IGFN1: variants seen among roughly 807,000 people sequenced by gnomAD.
The protein encoded by IGFN1 is immunoglobulin like and fibronectin type III domain containing 1, also known as immunoglobulin-like and fibronectin type III domain-containing protein 1.
IGFN1 carries 253 observed loss-of-function variants against 289.5 expected under a neutral mutation model. The ratio of observed to expected loss-of-function variants is 0.87; its 90% CI spans 0.79 to 0.97. IGFN1 has a LOEUF of 0.97. IGFN1 is among the 50% of genes least tolerant of loss of function. IGFN1 has a pLI of 0.00. For missense variants in IGFN1, 4,470 were observed against 4,686.1 expected, an observed-to-expected ratio of 0.95 and a Z score of 1.35; for synonymous variants, 1,706 against 1,788.5, an observed-to-expected ratio of 0.95 and a Z score of 1.16.
chr1:201,225,810 C>T lies in IGFN1; in HGVS notation c.10487-14C>T, dbSNP rs771320823. On this transcript the variant is annotated splice_polypyrimidine_tract_variant and intron_variant, in intron 21 of 23. Transcript: ENST00000335211. ...TCCCCTCCACGTGACCTCCCTCTGC[C>T]GTCTCTCCTGAAGCATGCCCGCAGG... 15 of 1,599,724 alleles carry T rather than the reference C, an allele frequency of 9.4e-6. No homozygotes were observed. Among genetic ancestry groups the T allele is most frequent in the African/African-American group, 2.7e-5 (2 of 74,422 alleles).
chr1:201,211,116 G>A lies in IGFN1; in HGVS notation c.6223G>A (p.Gly2075Arg). The change falls in exon 12 of 24, where the codon GGG (glycine) becomes AGG (arginine). Residue 2075 changes from glycine to arginine, a missense_variant. Transcript: ENST00000335211. The part of the protein sequence containing the change: ...VNEAGYRKDL[G>R]APKGMGSGSK... ...TGAGGCAGGTTATAGGAAGGATTTA[G>A]GGGCTCCTAAGGGAATGGGTTCAGG... is the stretch of plus-strand genomic sequence containing the variant. 6.5e-7 allele frequency: 1 copy of A among 1,527,144 alleles called. No individual in the cohort carries two copies. The highest frequency in any genetic ancestry group is 8.8e-7 in the Non-Finnish European group (1 of 1,140,526). The allele number at this position is 1,527,144 out of a possible 1,614,324, so 94.6% of individuals were successfully genotyped here. A position where few individuals can be genotyped will look rare whatever the true frequency, so the allele number is the denominator to read the frequency against.
rs1160485487 is a variant in IGFN1 at position 201,200,227 on chromosome 1, T to C, written c.459-10T>C. On this transcript the variant is annotated splice_polypyrimidine_tract_variant and intron_variant, in intron 7 of 23. Coordinates refer to ENST00000335211, the MANE Select transcript of IGFN1 (RefSeq NM_001164586.2). ...CCTCTGGCCTCTGACCTGCTAGCCT[T>C]GCTCCCCAGGGCCCCACCAGCCCCC... The C allele has an allele frequency of 2.6e-6, 4 of 1,550,050 alleles. No individual in the cohort carries two copies. Among genetic ancestry groups the C allele is most frequent in the Non-Finnish European group, 3.5e-6 (4 of 1,145,934 alleles).
intron 18 of IGFN1, 87 bp downstream of exon 18, chr1:201,218,745 T>C (rs1441731980): frequency 6.5e-6 from 9 of 1,394,804 alleles, no homozygotes; most frequent in Non-Finnish European, 8.8e-6. Context: ...AGGTCAAAGG[T>C]CACAGGTCGG....
rs866805849 is a variant in IGFN1, at chr1:201,206,133, A to C, written c.1240A>C (p.Arg414=). The C allele has an allele frequency of 3.9e-6, 6 of 1,550,932 alleles. No homozygotes were observed. The highest frequency in any genetic ancestry group is 1.7e-4 in the Middle Eastern group (1 of 5,988). The stretch of plus-strand genomic sequence containing the variant: ...CACAAGTGCTGACCACAAACTGCAG[A>C]GGCAAGGAGCCCAGGCATCAGGAGC... ...QSTSADHKLQ[R]QGAQASGAEE... The change falls in exon 12 of 24, where the codon AGG becomes CGG. Residue 414 remains arginine, a synonymous_variant. Transcript: ENST00000335211.
intron 18 of IGFN1, among the ~76,000 whole-genome samples, chr1:201,220,596 A>G (rs1252064172): frequency 6.6e-6 from 1 of 152,258 alleles, no homozygotes; most frequent in Non-Finnish European, 1.5e-5. Flanking sequence ...AGCAAGGCCC[A>G]TGGCCCAGAA....
Position 201,207,178 on chromosome 1 carries a change from G to T in IGFN1, c.2285G>T (p.Gly762Val). The change falls in exon 12 of 24, where the codon GGG (glycine) becomes GTG (valine). Residue 762 changes from glycine to valine, a missense_variant. Gly to Val is a moderately radical substitution (Grantham distance 109, BLOSUM62 -3). Around this residue, in one of 8 missense-constraint regions of IGFN1, gnomAD observed 2,011 missense variants for 1,953.4 expected, o/e 1.03. Coordinates refer to ENST00000335211, the MANE Select transcript of IGFN1 (RefSeq NM_001164586.2). ...CAGGAGGCAGATGGTATATGCCGGG[G>T]GGAGTCTGTAGTTACAGGAAGTGCC... The part of the protein sequence containing the change: ...SLQEADGICR[G>V]ESVVTGSAYK... The T allele has an allele frequency of 6.5e-7, 1 of 1,536,974 alleles. No homozygotes were observed. Among genetic ancestry groups the T allele is most frequent in the Non-Finnish European group, 8.7e-7 (1 of 1,146,864 alleles).
intron 7 of IGFN1, 76 bp downstream of exon 7, chr1:201,199,730 T>C: frequency 2.2e-6 from 3 of 1,344,748 alleles, no homozygotes; most frequent in Non-Finnish European, 3.1e-6. Context: ...ATAAGTAAGC[T>C]GGGCTTGAGC....
In IGFN1 at chr1:201,209,373, G is replaced by A; in HGVS notation, c.4480G>A (p.Gly1494Ser). Reference sequence around the variant, plus strand: ...TGGGGAAATGGGGTTAATTGAGGCAGGCTATAGGAAAGATTTGGGGGTTTC... The same window carrying A: ...TGGGGAAATGGGGTTAATTGAGGCAAGCTATAGGAAAGATTTGGGGGTTTC... ...GSGEMGLIEAGYRKDLGVSEG... is the reference protein window; with the variant it reads ...GSGEMGLIEASYRKDLGVSEG... Residue 1494 changes from glycine to serine, a missense_variant, in exon 12 of 24, where the codon GGC becomes AGC. Gly to Ser is a moderately conservative substitution (Grantham distance 56). Around this residue, in one of 8 missense-constraint regions of IGFN1, gnomAD observed 2,011 missense variants for 1,953.4 expected, o/e 1.03. Coordinates refer to ENST00000335211, the MANE Select transcript of IGFN1 (RefSeq NM_001164586.2). 6.6e-7 allele frequency: 1 copy of A among 1,508,988 alleles called. No individual in the cohort carries two copies. The highest frequency in any genetic ancestry group is 8.8e-7 in the Non-Finnish European group (1 of 1,134,922). 93.5% of individuals were successfully genotyped at this position (1,508,988 alleles called of 1,614,324 possible). A position where few individuals can be genotyped will look rare whatever the true frequency, so the allele number is the denominator to read the frequency against.
At chr1:201,202,106 G>C (rs1667191105) in intron 9 of IGFN1, among the ~76,000 whole-genome samples, 1 of 152,170 alleles carries the variant, frequency 6.6e-6, no homozygotes, top group Non-Finnish European at 1.5e-5. Flanking sequence ...GAGCACGGGG[G>C]TGAAAAGAGG....
chr1:201,226,207 G>T (rs542637861), intron 22 of IGFN1, 84 bp downstream of exon 22: 6 of 1,389,268 alleles, frequency 4.3e-6, no homozygotes, highest in Middle Eastern at 2.3e-4. Flanking sequence ...CATGGCAAGC[G>T]CGCAGGATAG....
chr1:201,226,108 A>G lies in IGFN1; in HGVS notation c.10771A>G (p.Ile3591Val). 6.3e-7 allele frequency: 1 copy of G among 1,596,988 alleles called. No individual in the cohort carries two copies. The highest frequency in any genetic ancestry group is 1.1e-5 in the South Asian group (1 of 89,318). ...KPSDTSQPWC[I>V]PRQRDRFTVK... ...CTCGGACACCAGCCAGCCCTGGTGC[A>G]TCCCCCGGCAGCGCGGTAAGCAGCC... The change falls in exon 22 of 24, where the codon ATC becomes GTC. Residue 3591 changes from isoleucine to valine, a missense_variant. Around this residue, in one of 8 missense-constraint regions of IGFN1, gnomAD observed 2,218 missense variants for 2,114.1 expected, o/e 1.05. Transcript: ENST00000335211.
chr1:201,211,491 T>C lies in IGFN1; in HGVS notation c.6598T>C (p.Leu2200=). ...GAGTAAGGCAGGTTTCAGGGATGGT[T>C]TAGGGGGTTCTGAAGAAATGGGGTC... ...SGSKAGFRDG[L]GGSEEMGSVN... is the part of the protein sequence containing the mutation. Residue 2200 remains leucine, a synonymous_variant, in exon 12 of 24, where the codon TTA becomes CTA. Coordinates refer to ENST00000335211, the MANE Select transcript of IGFN1 (RefSeq NM_001164586.2). 2.7e-6 allele frequency: 4 copies of C among 1,499,662 alleles called. No homozygotes were observed. The highest frequency in any genetic ancestry group is 3.6e-6 in the Non-Finnish European group (4 of 1,126,084). 92.9% of individuals were successfully genotyped at this position (1,499,662 alleles called of 1,614,324 possible). A position where few individuals can be genotyped will look rare whatever the true frequency, so the allele number is the denominator to read the frequency against.
Position 201,207,465 on chromosome 1 carries a change from G to A in IGFN1, c.2572G>A (p.Val858Met). ...AACTGGGGCCCACCATGGGCCTGGA[G>A]TGCTGGGGCCCAGTGGAGGACAAGA... is the stretch of plus-strand genomic sequence containing the variant. The part of the protein sequence containing the change: ...RKTGAHHGPG[V>M]LGPSGGQEGM... Residue 858 changes from valine (V) to methionine (M), a missense_variant, in exon 12 of 24, where the codon GTG becomes ATG. Coordinates refer to ENST00000335211, the MANE Select transcript of IGFN1 (RefSeq NM_001164586.2). The A allele has an allele frequency of 6.5e-7, 1 of 1,531,232 alleles. No homozygotes were observed. The allele number at this position is 1,531,232 out of a possible 1,614,324, so 94.9% of individuals were successfully genotyped here. A position where few individuals can be genotyped will look rare whatever the true frequency, so the allele number is the denominator to read the frequency against.
intron 13 of IGFN1, among the ~76,000 whole-genome samples, 161 bp downstream of exon 13, chr1:201,214,462 T>G (rs904744519): frequency 2.0e-5 from 3 of 152,160 alleles, no homozygotes; most frequent in Admixed American, 2.0e-4. Context: ...CTTGGTGTGT[T>G]TAAAATAAAA....
chr1:201,212,358 G>T lies in IGFN1; in HGVS notation c.7465G>T (p.Asp2489Tyr), dbSNP rs12023814. ...SEAAGAKGKP[D>Y]VKEWQDSSGT... ...GGCTGCTGGTGCCAAGGGAAAACCA[G>T]ATGTCAAAGAATGGCAAGACAGTTC... is the stretch of plus-strand genomic sequence containing the variant. The change falls in exon 12 of 24, where the codon GAT becomes TAT. Residue 2489 changes from aspartate to tyrosine, a missense_variant. This residue lies in a region of IGFN1 where 2,218 missense variants were observed against 2,114.1 expected (regional missense o/e 1.05). Transcript: ENST00000335211. 6.5e-7 allele frequency: 1 copy of T among 1,536,760 alleles called. No homozygotes were observed. Among genetic ancestry groups the T allele is most frequent in the East Asian group, 2.4e-5 (1 of 40,930 alleles).
rs552889950 is a variant in IGFN1 at position 201,192,975 on chromosome 1, A to G, written c.-47-272A>G. On this transcript the variant is annotated intron_variant, in intron 1 of 23. Transcript: ENST00000335211. ...CACCAGGAGGCCAGGCCACCAGCACAGTGTGCAGGCTCAGCTTATGGTTCC... is the reference window on the plus strand; with the variant it reads ...CACCAGGAGGCCAGGCCACCAGCACGGTGTGCAGGCTCAGCTTATGGTTCC... Among the ~76,000 whole-genome samples the G allele has an allele frequency of 9.2e-4, 140 of 152,308 alleles. 1 individual carries two copies. The highest frequency in any genetic ancestry group is 2.9e-3 in the African/African-American group (119 of 41,574).
intron 10 of IGFN1, among the ~76,000 whole-genome samples, chr1:201,204,729 A>G (rs1422995756): frequency 6.6e-6 from 1 of 152,246 alleles, no homozygotes. Context: ...ACCTGTAAAA[A>G]GAAATTAATA....
chr1:201,227,318 G>C, intron 23 of IGFN1, 110 bp downstream of exon 23: 1 of 790,148 alleles, frequency 1.3e-6, no homozygotes, highest in Non-Finnish European at 2.0e-6. Flanking sequence ...CGGGAGTCAG[G>C]AGACCAGGAC....
At position 201,213,050 on chromosome 1, in the gene IGFN1, T is replaced by C. The variant is rs1667904400; in HGVS notation, c.8157T>C (p.Thr2719=). The C allele has an allele frequency of 1.3e-6, 2 of 1,551,474 alleles. No individual in the cohort carries two copies. Among genetic ancestry groups the C allele is most frequent in the Non-Finnish European group, 1.7e-6 (2 of 1,146,964 alleles). ...GTATCCTGGGCAAGGGGAATTCTACTGAGTGGGGGAATGCCCTCACCCCAA... is the reference window on the plus strand; with the variant it reads ...GTATCCTGGGCAAGGGGAATTCTACCGAGTGGGGGAATGCCCTCACCCCAA... ...DSGILGKGNS[T]EWGNALTPKP... Residue 2719 remains threonine, a synonymous_variant, in exon 12 of 24, where the codon ACT becomes ACC. Transcript: ENST00000335211.
Sources: gnomAD v4.1 joint callset for allele counts (sites outside exome capture counted in the v4.1 genomes callset) on GRCh38, gnomAD v4.1.1 for gene constraint, gnomAD v4.1.1 regional missense constraint, MANE v1.5 for transcripts, NCBI Gene and HGNC (gene_info 2026-07-23, HGNC 2026-07-21) for gene names.